Variants in SLC28A1 observed in about 807,000 individuals in gnomAD.
SLC28A1 encodes solute carrier family 28 member 1.
Under a neutral mutation model 74.8 loss-of-function variants are expected in SLC28A1, and 64 were observed. The ratio of observed to expected loss-of-function variants is 0.86; its 90% confidence interval spans 0.70 to 1.05. The LOEUF (loss-of-function observed/expected upper bound fraction) is 1.05. SLC28A1 is among the 50% of genes least tolerant of loss of function. The pLI is 0.00. For missense variants in SLC28A1, 828 were observed against 822.8 expected (o/e 1.01, Z -0.08); for synonymous variants, 359 against 335.0 (o/e 1.07, Z -0.78).
rs767570334 is a variant in SLC28A1, at chr15:84,887,770, G to C, written c.10G>C (p.Asp4His). 2 of 1,613,988 alleles carry C rather than the reference G, an allele frequency of 1.2e-6. No individual in the cohort carries two copies. Among genetic ancestry groups the C allele is most frequent in the South Asian group, 1.1e-5 (1 of 91,070 alleles). Residue 4 changes from aspartate to histidine, a missense_variant, in exon 3 of 19, where the codon GAC becomes CAC. Physicochemically the swap from Asp to His is moderately conservative, Grantham distance 81. Transcript: ENST00000394573. ...CTGGAAGGTCTGGGACATGGAGAAC[G>C]ACCCCTCGAGACGAAGAGAGTCCAT... The part of the protein sequence containing the change: MEN[D>H]PSRRRESISL...
chr15:84,884,990 G>T (rs1356907804), intron 1 of SLC28A1, among the ~76,000 whole-genome samples: 1 of 152,180 alleles, frequency 6.6e-6, no homozygotes, highest in South Asian at 2.1e-4. Flanking sequence ...GTAGAGTCTC[G>T]CTCTGTTGCC....
chr15:84,956,837 C>G, the SLC28A1 span, among the ~76,000 whole-genome samples: 1 of 151,908 alleles, frequency 6.6e-6, no homozygotes, highest in Non-Finnish European at 1.5e-5. Flanking sequence ...GAACATATCA[C>G]CATAATTCTT....
the SLC28A1 span, among the ~76,000 whole-genome samples, chr15:84,972,465 G>T: frequency 6.6e-6 from 1 of 152,196 alleles, no homozygotes; most frequent in African/African-American, 2.4e-5. Context: ...GGCTCAAGAA[G>T]AAAATTATTA....
At chr15:84,934,220 C>T (rs1971628547) in intron 13 of SLC28A1, among the ~76,000 whole-genome samples, 2 of 152,208 alleles carry the variant, frequency 1.3e-5, no homozygotes, top group African/African-American at 4.8e-5. Flanking sequence ...TCTTAATGTC[C>T]AGTCTCTGAC....
intron 12 of SLC28A1, among the ~76,000 whole-genome samples, chr15:84,924,434 T>G (rs1355345500): frequency 6.6e-6 from 1 of 152,114 alleles, no homozygotes; most frequent in Non-Finnish European, 1.5e-5. Flanking sequence ...CAAACCCAGA[T>G]CTGTCTGACT....
intron 10 of SLC28A1, 23 bp downstream of exon 10, chr15:84,918,627 C>A: frequency 6.4e-7 from 1 of 1,565,802 alleles, no homozygotes; most frequent in Non-Finnish European, 8.8e-7. Context: ...TGCCCATGGC[C>A]AGGGCTCTCC....
intron 6 of SLC28A1, among the ~76,000 whole-genome samples, 158 bp from the exon 7 acceptor site, chr15:84,903,939 G>C (rs1414725554): frequency 6.6e-6 from 1 of 152,210 alleles, no homozygotes; most frequent in African/African-American, 2.4e-5. Flanking sequence ...GCCCTTCCCA[G>C]CATGTGGTTC....
At chr15:84,921,412 G>A (rs1969818237) in intron 11 of SLC28A1, among the ~76,000 whole-genome samples, 2 of 152,188 alleles carry the variant, frequency 1.3e-5, no homozygotes, top group South Asian at 2.1e-4. Context: ...ACACATATAA[G>A]CCACGGCTTC....
At chr15:84,962,594 T>C in the SLC28A1 span, among the ~76,000 whole-genome samples, 43 of 152,140 alleles carry the variant, frequency 2.8e-4, no homozygotes, top group African/African-American at 1.0e-3. Flanking sequence ...CATGCCACCA[T>C]GCCTGGCCAA....
At position 84,905,873 on chromosome 15, in the gene SLC28A1, T is replaced by A. The variant is rs148712556; in HGVS notation, c.717+221T>A. Among the ~76,000 whole-genome samples, 11 of 152,178 alleles carry A rather than the reference T, an allele frequency of 7.2e-5. No homozygotes were observed. In the East Asian group the frequency reaches 2.1e-3, roughly 29 times the overall value. On this transcript the variant is annotated intron_variant, in intron 8 of 18. Transcript: ENST00000394573. ...TACTGAGGTCCCAATAGAGTAGTCT[T>A]TCCAGAGGCTGGGTCTGCAATCAGC...
the SLC28A1 span, among the ~76,000 whole-genome samples, chr15:84,957,887 A>C: frequency 6.6e-6 from 1 of 152,224 alleles, no homozygotes; most frequent in African/African-American, 2.4e-5. Flanking sequence ...ATTGCATTGA[A>C]TATGTAGATC....
At chr15:84,908,244 C>T (rs929073258) in intron 8 of SLC28A1, among the ~76,000 whole-genome samples, 4 of 126,826 alleles carry the variant, frequency 3.2e-5, no homozygotes, top group Admixed American at 1.0e-4. Context: ...AGTGCAGTGG[C>T]GCAATCTTGG....
rs759149964 is a variant in SLC28A1, at chr15:84,890,485, G to T, written c.228G>T (p.Arg76Ser). 4.3e-6 allele frequency: 7 copies of T among 1,611,218 alleles called. No homozygotes were observed. In the South Asian group the frequency reaches 7.7e-5, roughly 18 times the overall value. The change falls in exon 5 of 19, where the codon AGG (arginine) becomes AGT (serine). Residue 76 changes from arginine to serine, a missense_variant. This residue lies in a region of SLC28A1 where 767 missense variants were observed against 753.5 expected (regional missense o/e 1.02). Transcript: ENST00000394573. ...QPALRARSFC[R>S]EHMQLFRWIG... is the part of the protein sequence containing the mutation. ...CCCTGAGAGCCAGAAGCTTCTGCAG[G>T]GAGCACATGCAGCTGTTTCGATGGA...
At chr15:84,962,565 G>A in the SLC28A1 span, among the ~76,000 whole-genome samples, 3 of 152,086 alleles carry the variant, frequency 2.0e-5, no homozygotes, top group African/African-American at 2.4e-5. Flanking sequence ...AGCCTCTGGA[G>A]TAGCTGGAAC....
chr15:84,902,276 T>G (rs1966757989), intron 6 of SLC28A1, among the ~76,000 whole-genome samples: 2 of 152,102 alleles, frequency 1.3e-5, no homozygotes, highest in Non-Finnish European at 2.9e-5. Context: ...GGTCAGAAAT[T>G]CAAGACCAGC....
Position 84,900,401 on chromosome 15 carries a change from C to CAAA in SLC28A1, c.462-3675_462-3673dup, listed in dbSNP as rs71135319. On this transcript the variant is annotated intron_variant, in intron 6 of 18. Transcript: ENST00000394573. ...TGGGAGACAGAGTGAGACACTGTCTCAAAAAAAAAAAAAAAAAAAAAAAGA... is the reference window on the plus strand; with the variant it reads ...TGGGAGACAGAGTGAGACACTGTCTCAAAAAAAAAAAAAAAAAAAAAAAAAAGA... 6.8e-4 allele frequency among the ~76,000 whole-genome samples: 40 copies of CAAA among 58,932 alleles called. 1 individual carries two copies. Among genetic ancestry groups the CAAA allele is most frequent in the East Asian group, 1.2e-3 (2 of 1,734 alleles). The allele number at this position is 58,932 out of a possible 152,430, so 38.7% of individuals were successfully genotyped here. A position where few individuals can be genotyped will look rare whatever the true frequency, so the allele number is the denominator to read the frequency against.
At chr15:84,942,404 C>T (rs1475952342) in intron 15 of SLC28A1, among the ~76,000 whole-genome samples, 1 of 151,870 alleles carries the variant, frequency 6.6e-6, no homozygotes, top group East Asian at 1.9e-4. Context: ...TTTTTTGTAC[C>T]CATAAACCAA....
At chr15:84,960,177 G>A in the SLC28A1 span, among the ~76,000 whole-genome samples, 2 of 142,460 alleles carry the variant, frequency 1.4e-5, no homozygotes, top group East Asian at 2.2e-4. Flanking sequence ...AAACTCTCCC[G>A]TAATCTTTCT....
intron 8 of SLC28A1, among the ~76,000 whole-genome samples, chr15:84,906,499 GGTTTGTTTGTTTGTTTGTTTGTTT>G (rs141096497): frequency 0.051 from 5,936 of 116,996 alleles, 523 homozygotes; most frequent in African/African-American, 0.17. Flanking sequence ...ATTAAAACAT[GGTTTGTTTGTTTGTTTGTTTGTTT>G]GTTTGTTTCT....
Sources: gnomAD v4.1 joint callset for allele counts (sites outside exome capture counted in the v4.1 genomes callset) on GRCh38, gnomAD v4.1.1 for gene constraint, gnomAD v4.1.1 regional missense constraint, MANE v1.5 for transcripts, NCBI Gene and HGNC (gene_info 2026-07-23, HGNC 2026-07-21) for gene names.